MCM3AP: variants seen among roughly 807,000 people sequenced by gnomAD.
MCM3AP encodes the protein germinal-center associated nuclear protein.
MCM3AP carries 126 observed loss-of-function variants against 184.1 expected under a neutral mutation model. That is an observed-to-expected ratio of 0.68 (90% CI 0.59 to 0.79). MCM3AP has a LOEUF of 0.79. Among genes scored for constraint, MCM3AP ranks in the 30% least tolerant of loss-of-function variants. MCM3AP has a pLI of 0.00. For missense variants in MCM3AP, 2,496 were observed against 2,479.2 expected (o/e 1.01, Z -0.14); for synonymous variants, 1,002 against 979.3 (o/e 1.02, Z -0.43).
intron 10 of MCM3AP, 90 bp from the exon 11 acceptor site, chr21:46,266,256 T>C: frequency 1.4e-6 from 2 of 1,408,452 alleles, no homozygotes; most frequent in Middle Eastern, 2.1e-4. Context: ...GCAAGCCCCT[T>C]GGGTGTCACC....
chr21:46,266,417 G>A lies in MCM3AP; in HGVS notation c.2790-251C>T, dbSNP rs184904508. On this transcript the variant is annotated intron_variant, in intron 10 of 27. Transcript: ENST00000291688. ...CCTCCTTGCTGGCTCACCCAAAACC[G>A]TCTAATTTTCTGAGGACAGAACTGG... The A allele has an allele frequency of 2.8e-4, 106 of 371,964 alleles. No individual in the cohort carries two copies. The East Asian group carries it at 3.1e-3, about 11-fold the overall frequency. 23.0% of individuals were successfully genotyped at this position (371,964 alleles called of 1,614,324 possible). A position where few individuals can be genotyped will look rare whatever the true frequency, so the allele number is the denominator to read the frequency against.
intron 19 of MCM3AP, chr21:46,253,587 T>C (rs530672749): frequency 6.6e-5 from 10 of 152,012 alleles, no homozygotes; most frequent in Admixed American, 4.6e-4. Context: ...GTTCTCATGA[T>C]AGTGAGCTCT....
chr21:46,277,867 G>A, intron 4 of MCM3AP, 150 bp from the exon 5 acceptor site: 1 of 467,228 alleles, frequency 2.1e-6, no homozygotes, highest in Non-Finnish European at 3.8e-6. Context: ...GTTTTGATAA[G>A]GATGGTAATG....
rs746750274 is a variant in MCM3AP, at chr21:46,284,217, T to C, written c.1070A>G (p.Asn357Ser). Residue 357 changes from asparagine to serine, a missense_variant, in exon 1 of 28, where the codon AAC (asparagine) becomes AGC (serine). Physicochemically the swap from Asn to Ser is conservative, Grantham distance 46. Transcript: ENST00000291688. Reference sequence around the variant, plus strand: ...GCCAGTTTCCTTTTTGGCCTCCTTGTTGCCCAGACGACCTACTTCCTTATT... The same window carrying C: ...GCCAGTTTCCTTTTTGGCCTCCTTGCTGCCCAGACGACCTACTTCCTTATT... ...KSNKEVGRLG[N>S]KEAKKETGFV... 3.4e-5 allele frequency: 55 copies of C among 1,614,214 alleles called. No individual in the cohort carries two copies. The highest frequency in any genetic ancestry group is 4.4e-5 in the Non-Finnish European group (52 of 1,180,024).
chr21:46,278,418 C>G (rs2089204332), intron 4 of MCM3AP, among the ~76,000 whole-genome samples: 1 of 152,180 alleles, frequency 6.6e-6, no homozygotes, highest in Non-Finnish European at 1.5e-5. Flanking sequence ...AAACCAGCAA[C>G]TAAACTGCTC....
intron 20 of MCM3AP, among the ~76,000 whole-genome samples, chr21:46,248,609 C>A (rs1210897568): frequency 1.6e-4 from 19 of 119,122 alleles, no homozygotes; most frequent in Admixed American, 2.9e-4. Flanking sequence ...ACTGGAGTAA[C>A]AGAGAGGAAA....
Position 46,244,236 on chromosome 21 carries a change from G to C in MCM3AP, c.5039-514C>G, listed in dbSNP as rs78803293. 8.8e-3 allele frequency among the ~76,000 whole-genome samples: 1,334 copies of C among 152,368 alleles called. 15 individuals are homozygous for C. Among genetic ancestry groups the C allele is most frequent in the African/African-American group, 0.03 (1,255 of 41,586 alleles). On this transcript the variant is annotated intron_variant, in intron 23 of 27. Transcript: ENST00000291688. The stretch of plus-strand genomic sequence containing the variant: ...CCAGATAAGCAGCTCATTCCCTTCT[G>C]AGTGCATAGGAAGGAGCAGCCCCAT...
At chr21:46,286,213 C>T (rs891988602), upstream of MCM3AP, 1 of 152,308 alleles carries the variant, frequency 6.6e-6, no homozygotes, top group Non-Finnish European at 1.5e-5. Context: ...ACTTGAGGCG[C>T]AAGCACAGGC....
At chr21:46,248,978 A>G (rs1237529091) in intron 20 of MCM3AP, among the ~76,000 whole-genome samples, 4 of 152,224 alleles carry the variant, frequency 2.6e-5, no homozygotes, top group Non-Finnish European at 4.4e-5. Context: ...AAAATGTCCC[A>G]GAAGTGAAAT....
Position 46,236,996 on chromosome 21 carries a change from T to C in MCM3AP, c.5634-17A>G. 6.8e-7 allele frequency: 1 copy of C among 1,465,946 alleles called. No individual in the cohort carries two copies. Among genetic ancestry groups the C allele is most frequent in the Non-Finnish European group, 9.0e-7 (1 of 1,106,230 alleles). The allele number at this position is 1,465,946 out of a possible 1,614,324, so 90.8% of individuals were successfully genotyped here. ...TCTTCAAACCTGAAACAATATGTAA[T>C]AAATTCAAAAATATTTGAGCATTAG... On this transcript the variant is annotated splice_polypyrimidine_tract_variant and intron_variant, in intron 26 of 27. Coordinates refer to ENST00000291688, the MANE Select transcript of MCM3AP (RefSeq NM_003906.5).
At chr21:46,281,917 G>A (rs754951604) in intron 2 of MCM3AP, among the ~76,000 whole-genome samples, 1 of 152,094 alleles carries the variant, frequency 6.6e-6, no homozygotes, top group Non-Finnish European at 1.5e-5. Context: ...AGAATCGCTT[G>A]AACTGGAAAG....
At chr21:46,273,712 T>A (rs1439029814) in intron 6 of MCM3AP, 127 bp from the exon 7 acceptor site, 2 of 682,132 alleles carry the variant, frequency 2.9e-6, no homozygotes, top group Non-Finnish European at 4.9e-6. Flanking sequence ...AATATATTTT[T>A]TCAACATAAA....
Position 46,246,839 on chromosome 21 carries a change from T to G in MCM3AP, c.4338A>C (p.Thr1446=). ...CACTGGCTCCCAGGAGGTCCTTCTG[T>G]GTCTCCACAGCATCAATGGCACCAT... ...LSDGAIDAVE[T]QKDLLGASGL... is the part of the protein sequence containing the mutation. Residue 1446 remains threonine (T), a synonymous_variant, in exon 21 of 28, where the codon ACA becomes ACC. Coordinates refer to ENST00000291688, the MANE Select transcript of MCM3AP (RefSeq NM_003906.5). The G allele has an allele frequency of 6.2e-7, 1 of 1,614,142 alleles. No individual in the cohort carries two copies.
Position 46,272,429 on chromosome 21 carries a change from T to C in MCM3AP, c.2465+132A>G, listed in dbSNP as rs910377163. 7.2e-6 allele frequency: 7 copies of C among 967,706 alleles called. No homozygotes were observed. In the East Asian group the frequency reaches 1.7e-4, roughly 24 times the overall value. 59.9% of individuals were successfully genotyped at this position (967,706 alleles called of 1,614,324 possible). ...ACTGCAAAGCCAGACCAAGGTCCTC[T>C]ACTATCATCCCAACATCTGCTACCA... On this transcript the variant is annotated intron_variant, in intron 8 of 27. Transcript: ENST00000291688.
chr21:46,271,854 C>T (rs1489910114), intron 8 of MCM3AP, among the ~76,000 whole-genome samples: 2 of 151,516 alleles, frequency 1.3e-5, no homozygotes, highest in African/African-American at 2.4e-5. Flanking sequence ...GAGCAGGACT[C>T]GGTCTCAAAA....
At chr21:46,274,091 G>T (rs529568967) in intron 6 of MCM3AP, among the ~76,000 whole-genome samples, 1 of 152,342 alleles carries the variant, frequency 6.6e-6, no homozygotes, top group Admixed American at 6.5e-5. Flanking sequence ...ATGTACACAG[G>T]ACAAGGCCCT....
intron 5 of MCM3AP, among the ~76,000 whole-genome samples, chr21:46,276,893 G>T: frequency 6.6e-6 from 1 of 151,860 alleles, no homozygotes; most frequent in African/African-American, 2.4e-5. Context: ...GCACACCACC[G>T]CACCCAGCCT....
In MCM3AP at chr21:46,239,430, G is replaced by C. The variant is rs62212884; in HGVS notation, c.5633+1381C>G. The stretch of plus-strand genomic sequence containing the variant: ...CATAACAAGTGGTCCAATTCTGAAT[G>C]TATTTTCAATAGAGCCAATAGGATA... On this transcript the variant is annotated intron_variant, in intron 26 of 27. Coordinates refer to ENST00000291688, the MANE Select transcript of MCM3AP (RefSeq NM_003906.5). Among the ~76,000 whole-genome samples, 801 of 152,336 alleles carry C rather than the reference G, an allele frequency of 5.3e-3. 4 individuals are homozygous for C. The highest frequency in any genetic ancestry group is 9.4e-3 in the Non-Finnish European group (640 of 68,028).
Position 46,279,817 on chromosome 21 carries a change from C to CGGCCCATGCTGGCAGGAGGGGCAG in MCM3AP, c.1667+152_1667+175dup, listed in dbSNP as rs1406839126. Among the ~76,000 whole-genome samples the CGGCCCATGCTGGCAGGAGGGGCAG allele has an allele frequency of 2.4e-3, 365 of 152,304 alleles. 4 individuals are homozygous for CGGCCCATGCTGGCAGGAGGGGCAG. Among genetic ancestry groups the CGGCCCATGCTGGCAGGAGGGGCAG allele is most frequent in the African/African-American group, 8.1e-3 (335 of 41,576 alleles). ...AGCCCCACACAGACCCACCTCCTAA[C>CGGCCCATGCTGGCAGGAGGGGCAG]GGCCCATGCTGGCAGGAGGGGCAGA... On this transcript the variant is annotated intron_variant, in intron 4 of 27. Coordinates refer to ENST00000291688, the MANE Select transcript of MCM3AP (RefSeq NM_003906.5).
Sources: gnomAD v4.1 joint callset for allele counts (sites outside exome capture counted in the v4.1 genomes callset) on GRCh38, gnomAD v4.1.1 for gene constraint, MANE v1.5 for transcripts, NCBI Gene and HGNC (gene_info 2026-07-23, HGNC 2026-07-21) for gene names.